PACS1: variants seen among roughly 807,000 people sequenced by gnomAD.
PACS1 encodes phosphofurin acidic cluster sorting protein 1, also known as PACS-1.
In PACS1, 24 loss-of-function variants were observed where a neutral mutation model predicts 115.0. That is an observed-to-expected ratio of 0.21 (90% CI 0.15 to 0.29). The LOEUF (loss-of-function observed/expected upper bound fraction) is 0.29, where lower values mean the gene tolerates loss of function less well. Ranked by LOEUF, PACS1 falls within the 10% of genes least tolerant of loss-of-function variation. The probability of loss-of-function intolerance (pLI) is 1.00; values close to 1 mark genes in which losing one functional copy is unlikely to be tolerated. For missense variants in PACS1, 838 were observed against 1,251.2 expected (o/e 0.67, Z 4.98); for synonymous variants, 453 against 504.5 (o/e 0.90, Z 1.37).
chr11:66,184,744 T>C (rs1860083549), intron 1 of PACS1, among the ~76,000 whole-genome samples: 1 of 152,228 alleles, frequency 6.6e-6, no homozygotes, highest in Non-Finnish European at 1.5e-5. Context: ...TTGTTTGATA[T>C]ACTTAAATCC....
intron 2 of PACS1, among the ~76,000 whole-genome samples, chr11:66,202,742 A>ATATATAT (rs1554988696): frequency 5.6e-5 from 4 of 71,600 alleles, no homozygotes; most frequent in African/African-American, 1.6e-4. Context: ...AAAAAAAAAA[A>ATATATAT]ATATATATAT....
At chr11:66,104,538 G>A (rs775487338) in intron 1 of PACS1, among the ~76,000 whole-genome samples, 2 of 152,150 alleles carry the variant, frequency 1.3e-5, no homozygotes, top group Non-Finnish European at 2.9e-5. Flanking sequence ...AGCAGTTGCA[G>A]CAGAGACTCT....
Position 66,106,670 on chromosome 11 carries a change from C to T in PACS1, c.356+35828C>T, listed in dbSNP as rs377727597. On this transcript the variant is annotated intron_variant, in intron 1 of 23. Transcript: ENST00000320580. ...AAGAGGTAGGCTGAGGTGGGAGGAT[C>T]GCTTGAGCCCAAGAGGTTGAGGCTG... Among the ~76,000 whole-genome samples the T allele has an allele frequency of 7.0e-4, 107 of 151,928 alleles. 1 individual carries two copies. Among genetic ancestry groups the T allele is most frequent in the African/African-American group, 2.5e-3 (103 of 41,406 alleles).
Position 66,171,044 on chromosome 11 carries a change from C to T in PACS1, c.357-22442C>T, listed in dbSNP as rs114754008. 1.9e-3 allele frequency among the ~76,000 whole-genome samples: 278 copies of T among 150,006 alleles called. 36 individuals are homozygous for T. Among genetic ancestry groups the T allele is most frequent in the African/African-American group, 6.7e-3 (265 of 39,644 alleles). ...TGTGGGGTTCCGGATTTCATGTGTTCGTTTGAATATTGGTAATGTTAGCAT... is the reference window on the plus strand; with the variant it reads ...TGTGGGGTTCCGGATTTCATGTGTTTGTTTGAATATTGGTAATGTTAGCAT... On this transcript the variant is annotated intron_variant, in intron 1 of 23. Coordinates refer to ENST00000320580, the MANE Select transcript of PACS1 (RefSeq NM_018026.4).
At position 66,235,312 on chromosome 11, in the gene PACS1, G is replaced by A; in HGVS notation, c.2116G>A (p.Val706Met). 1 of 1,613,800 alleles carries A rather than the reference G, an allele frequency of 6.2e-7. No homozygotes were observed. The highest frequency in any genetic ancestry group is 8.5e-7 in the Non-Finnish European group (1 of 1,179,734). Residue 706 changes from valine to methionine, a missense_variant, in exon 18 of 24, where the codon GTG becomes ATG. This residue lies in a region of PACS1 where 383 missense variants were observed against 537.0 expected (regional missense o/e 0.71). Coordinates refer to ENST00000320580, the MANE Select transcript of PACS1 (RefSeq NM_018026.4). The surrounding 1 kb of genome is among the most constrained non-coding windows in gnomAD (Gnocchi z 5.6). ...TGGCTTTTCTGCAGAGCAACTGGAC[G>A]TGGCAGGGCGGGTGATGCAGTACGT... ...SEPPVSEQLD[V>M]AGRVMQYVNG...
intron 1 of PACS1, among the ~76,000 whole-genome samples, chr11:66,157,011 G>C (rs1859377677): frequency 6.6e-6 from 1 of 152,128 alleles, no homozygotes; most frequent in Non-Finnish European, 1.5e-5. Flanking sequence ...CTTCTAGGAA[G>C]AATGTTCTGA....
At chr11:66,109,804 G>C (rs981219624) in intron 1 of PACS1, among the ~76,000 whole-genome samples, 4 of 152,160 alleles carry the variant, frequency 2.6e-5, no homozygotes, top group Admixed American at 1.3e-4. Context: ...TTCTACAAAG[G>C]CAATTCCTGG....
intron 1 of PACS1, among the ~76,000 whole-genome samples, chr11:66,097,475 A>G (rs577781026): frequency 2.0e-5 from 3 of 152,328 alleles, no homozygotes; most frequent in South Asian, 2.1e-4. Flanking sequence ...GAGTGTTGCC[A>G]ACAACCATGT....
chr11:66,098,328 T>C (rs1857833449), intron 1 of PACS1, among the ~76,000 whole-genome samples: 1 of 152,204 alleles, frequency 6.6e-6, no homozygotes, highest in South Asian at 2.1e-4. Context: ...TGTTTGTGTG[T>C]GTATCTGATA....
chr11:66,241,929 G>C (rs558998758), intron 22 of PACS1, among the ~76,000 whole-genome samples: 1 of 152,288 alleles, frequency 6.6e-6, no homozygotes, highest in East Asian at 1.9e-4. Flanking sequence ...GTAATGAAGG[G>C]GGCCTTTCTG....
chr11:66,173,134 T>C (rs1489045558), intron 1 of PACS1, among the ~76,000 whole-genome samples: 1 of 151,218 alleles, frequency 6.6e-6, no homozygotes, highest in Non-Finnish European at 1.5e-5. Context: ...GGTCCTGCTA[T>C]GTTGCTCAGT....
intron 1 of PACS1, among the ~76,000 whole-genome samples, chr11:66,145,357 T>C (rs1859096070): frequency 6.6e-6 from 1 of 152,124 alleles, no homozygotes; most frequent in African/African-American, 2.4e-5. Context: ...TGCGCTTGAT[T>C]TGGAGCAGGT....
intron 13 of PACS1, chr11:66,231,738 T>A (rs1855599146): frequency 5.4e-6 from 1 of 184,290 alleles, no homozygotes; most frequent in Non-Finnish European, 1.2e-5. Flanking sequence ...AGACAGCAGG[T>A]ACCCACACAG....
At chr11:66,178,947 T>C (rs1421959680) in intron 1 of PACS1, among the ~76,000 whole-genome samples, 1 of 152,188 alleles carries the variant, frequency 6.6e-6, no homozygotes, top group Non-Finnish European at 1.5e-5. Context: ...ACTATCACAC[T>C]TAAAGAACCA....
intron 1 of PACS1, among the ~76,000 whole-genome samples, chr11:66,158,740 A>G (rs76245716): frequency 0.025 from 3,742 of 152,318 alleles, 175 homozygotes; most frequent in African/African-American, 0.085. Context: ...GGAAGAAAAA[A>G]GAAAATTAAA....
chr11:66,243,548 GC>G lies in PACS1; in HGVS notation c.*271del. On this transcript the variant is annotated 3_prime_UTR_variant, in exon 24 of 24. Coordinates refer to ENST00000320580, the MANE Select transcript of PACS1 (RefSeq NM_018026.4). ...AGGCGTGTTGGTTTTGCCTTCTGGTGCCCATAGTCCCCTGGACTGAGTCCCC... is the reference window on the plus strand; with the variant it reads ...AGGCGTGTTGGTTTTGCCTTCTGGTGCCATAGTCCCCTGGACTGAGTCCCC... 2 of 503,894 alleles carry G rather than the reference GC, an allele frequency of 4.0e-6. No homozygotes were observed. The highest frequency in any genetic ancestry group is 4.6e-5 in the South Asian group (2 of 43,362). 31.2% of individuals were successfully genotyped at this position (503,894 alleles called of 1,614,324 possible). A position where few individuals can be genotyped will look rare whatever the true frequency, so the allele number is the denominator to read the frequency against.
At chr11:66,116,205 C>T (rs1026065145) in intron 1 of PACS1, among the ~76,000 whole-genome samples, 3 of 152,116 alleles carry the variant, frequency 2.0e-5, no homozygotes, top group Non-Finnish European at 4.4e-5. Context: ...AGCTAAAGCT[C>T]CAGGGGCAAA....
intron 1 of PACS1, among the ~76,000 whole-genome samples, chr11:66,111,443 A>G (rs1858184315): frequency 6.6e-6 from 1 of 152,136 alleles, no homozygotes; most frequent in Admixed American, 6.5e-5. Flanking sequence ...TCTTAACTCC[A>G]GACTTATGTA....
intron 1 of PACS1, among the ~76,000 whole-genome samples, chr11:66,181,542 T>A (rs1221886996): frequency 2.6e-5 from 4 of 152,184 alleles, no homozygotes; most frequent in Non-Finnish European, 4.4e-5. Context: ...TAGTAGTGTA[T>A]GTTGAATTTT....
Sources: gnomAD v4.1 joint callset for allele counts (sites outside exome capture counted in the v4.1 genomes callset) on GRCh38, gnomAD v4.1.1 for gene constraint, gnomAD v4.1.1 regional missense constraint, Gnocchi (gnomAD v3.1) non-coding constraint, MANE v1.5 for transcripts, NCBI Gene and HGNC (gene_info 2026-07-23, HGNC 2026-07-21) for gene names.